PDSS2: variants seen among roughly 807,000 people sequenced by gnomAD.
PDSS2 encodes all trans-polyprenyl-diphosphate synthase PDSS2.
A neutral mutation model predicts 44.5 loss-of-function variants in PDSS2; 31 were observed. The observed-to-expected ratio is 0.70, with a 90% CI of 0.52 to 0.94. The LOEUF is 0.94. PDSS2 is among the 40% of genes least tolerant of loss of function. The pLI, the probability that PDSS2 is intolerant of heterozygous loss-of-function variation, is 0.00. For missense variants in PDSS2, 452 were observed against 482.2 expected, an observed-to-expected ratio of 0.94 and a Z score of 0.59; for synonymous variants, 157 against 180.3, an observed-to-expected ratio of 0.87 and a Z score of 1.03.
At chr6:107,351,088 AAAGT>A (rs1382684424) in intron 1 of PDSS2, among the ~76,000 whole-genome samples, 13 of 152,238 alleles carry the variant, frequency 8.5e-5, no homozygotes, top group Admixed American at 3.9e-4. Flanking sequence ...AAAATTGATA[AAAGT>A]AATGGGAAAA....
rs114821248 is a variant in PDSS2, at chr6:107,193,171, A to G, written c.1041+651T>C. Among the ~76,000 whole-genome samples the G allele has an allele frequency of 4.5e-3, 692 of 152,342 alleles. 3 individuals are homozygous for G. Among genetic ancestry groups the G allele is most frequent in the African/African-American group, 0.016 (664 of 41,580 alleles). On this transcript the variant is annotated intron_variant, in intron 7 of 7. Transcript: ENST00000369037. ...GATGCACTGAAATCTGACCTCCCGC[A>G]GCAGTTTTTAACCAGGGCTGTGTGT... is the stretch of plus-strand genomic sequence containing the variant.
chr6:107,353,328 C>A (rs1489152069), intron 1 of PDSS2, among the ~76,000 whole-genome samples: 2 of 152,146 alleles, frequency 1.3e-5, no homozygotes, highest in African/African-American at 4.8e-5. Context: ...TATTTTACTT[C>A]TTTCTTCCCT....
chr6:107,439,692 G>A (rs319076), intron 1 of PDSS2, among the ~76,000 whole-genome samples: 131,915 of 152,260 alleles, frequency 0.87, 57,703 homozygotes, highest in African/African-American at 0.96. Context: ...ACAGTGGTAC[G>A]TATCATTGTT....
chr6:107,363,984 T>C (rs894480500), intron 1 of PDSS2, among the ~76,000 whole-genome samples: 3 of 151,042 alleles, frequency 2.0e-5, no homozygotes, highest in South Asian at 2.2e-4. Context: ...AGAGTGCCGA[T>C]TGGTGTATTT....
At chr6:107,272,464 T>A (rs1421934337) in intron 3 of PDSS2, among the ~76,000 whole-genome samples, 3 of 152,086 alleles carry the variant, frequency 2.0e-5, no homozygotes, top group Non-Finnish European at 4.4e-5. Flanking sequence ...TGTGGTAAGA[T>A]AAGGATGGCA....
At chr6:107,364,685 G>C (rs554992637) in intron 1 of PDSS2, among the ~76,000 whole-genome samples, 2 of 152,280 alleles carry the variant, frequency 1.3e-5, no homozygotes, top group East Asian at 1.9e-4. Context: ...CCCAGAAAGG[G>C]GCTCCCACAG....
rs533330180 is a variant in PDSS2 at position 107,261,639 on chromosome 6, C to T, written c.630+12390G>A. On this transcript the variant is annotated intron_variant, in intron 3 of 7. Transcript: ENST00000369037. ...TTTCCCCTAGGCTGGAATGCAGTGG[C>T]GCAATCTCAGTTCACTGCAACCTCC... is the stretch of plus-strand genomic sequence containing the variant. Among the ~76,000 whole-genome samples, 42 of 135,722 alleles carry T rather than the reference C, an allele frequency of 3.1e-4. No homozygotes were observed. The South Asian group carries it at 4.5e-3, about 14-fold the overall frequency. 89.0% of individuals were successfully genotyped at this position (135,722 alleles called of 152,430 possible). A position where few individuals can be genotyped will look rare whatever the true frequency, so the allele number is the denominator to read the frequency against.
intron 1 of PDSS2, among the ~76,000 whole-genome samples, chr6:107,388,634 A>AT (rs565173357): frequency 1.8e-3 from 272 of 152,034 alleles, no homozygotes; most frequent in African/African-American, 6.3e-3. Flanking sequence ...AATTTTTTGT[A>AT]TTTTTAGTAG....
intron 1 of PDSS2, among the ~76,000 whole-genome samples, chr6:107,404,829 G>A (rs1780258879): frequency 6.6e-6 from 1 of 152,120 alleles, no homozygotes; most frequent in Non-Finnish European, 1.5e-5. Flanking sequence ...TCCTGAGGGA[G>A]AGGAAAAAGA....
intron 2 of PDSS2, among the ~76,000 whole-genome samples, chr6:107,329,152 T>C (rs899155443): frequency 6.6e-5 from 10 of 152,208 alleles, no homozygotes; most frequent in Non-Finnish European, 1.2e-4. Context: ...ATGACCCCTT[T>C]TGCTTAAACA....
intron 4 of PDSS2, among the ~76,000 whole-genome samples, chr6:107,237,643 G>A (rs1438803599): frequency 2.0e-5 from 3 of 150,650 alleles, no homozygotes; most frequent in African/African-American, 7.3e-5. Context: ...GCTTACACTT[G>A]TAATCCCAGC....
At chr6:107,420,982 C>A (rs1413003321) in intron 1 of PDSS2, among the ~76,000 whole-genome samples, 1 of 152,114 alleles carries the variant, frequency 6.6e-6, no homozygotes, top group African/African-American at 2.4e-5. Flanking sequence ...GTAAAGAATT[C>A]TCTAAACTCC....
intron 1 of PDSS2, among the ~76,000 whole-genome samples, chr6:107,448,723 T>C (rs1223957083): frequency 6.6e-6 from 1 of 152,202 alleles, no homozygotes; most frequent in African/African-American, 2.4e-5. Flanking sequence ...CCCCACTCTC[T>C]ACGGTACCAA....
chr6:107,436,287 A>G (rs1388738266), intron 1 of PDSS2, among the ~76,000 whole-genome samples: 3 of 152,218 alleles, frequency 2.0e-5, no homozygotes, highest in African/African-American at 7.2e-5. Context: ...ATTGATGAAA[A>G]GCAGTTGGCA....
chr6:107,155,819 C>A (rs1554245501), intron 7 of PDSS2, among the ~76,000 whole-genome samples: 1 of 148,396 alleles, frequency 6.7e-6, no homozygotes, highest in Non-Finnish European at 1.5e-5. Context: ...ACCTCGTGAT[C>A]CCCCTGCCTT....
In PDSS2 at chr6:107,157,226, C is replaced by A. The variant is rs78349467; in HGVS notation, c.1042-2449G>T. Among the ~76,000 whole-genome samples the A allele has an allele frequency of 3.6e-3, 552 of 152,078 alleles. 7 individuals carry two copies. The highest frequency in any genetic ancestry group is 0.027 in the Admixed American group (416 of 15,234). On this transcript the variant is annotated intron_variant, in intron 7 of 7. Coordinates refer to ENST00000369037, the MANE Select transcript of PDSS2 (RefSeq NM_020381.4). ...TTGAGACAGAGTCTTGCTCTGTCAC[C>A]CAGGCTGGAGCGCAGTGGTGTGATC...
intron 7 of PDSS2, among the ~76,000 whole-genome samples, chr6:107,161,203 G>C (rs1035089829): frequency 4.6e-5 from 7 of 151,626 alleles, no homozygotes; most frequent in Non-Finnish European, 8.8e-5. Context: ...CTTTTTGGCC[G>C]GGCGCGGTGG....
chr6:107,445,661 T>C (rs1231275381), intron 1 of PDSS2, among the ~76,000 whole-genome samples: 1 of 152,226 alleles, frequency 6.6e-6, no homozygotes, highest in Non-Finnish European at 1.5e-5. Flanking sequence ...AGACTTCAAC[T>C]ATTACATTGT....
At chr6:107,254,025 T>C (rs1196722953) in intron 3 of PDSS2, among the ~76,000 whole-genome samples, 12 of 149,946 alleles carry the variant, frequency 8.0e-5, no homozygotes, top group Non-Finnish European at 1.5e-4. Context: ...TTCTTTTTCT[T>C]TCTTTCTTTC....
Sources: gnomAD v4.1 joint callset for allele counts (sites outside exome capture counted in the v4.1 genomes callset) on GRCh38, gnomAD v4.1.1 for gene constraint, MANE v1.5 for transcripts, NCBI Gene and HGNC (gene_info 2026-07-23, HGNC 2026-07-21) for gene names.